The following FOXJ1 variants were observed in gnomAD, a reference collection of about 807,000 sequenced individuals.
The protein encoded by FOXJ1 is forkhead box J1.
In FOXJ1, 8 loss-of-function variants were observed where a neutral mutation model predicts 29.3. The observed-to-expected ratio is 0.27, with a 90% CI of 0.16 to 0.49. The LOEUF is 0.49. FOXJ1 is among the 20% of genes least tolerant of loss of function. FOXJ1 has a pLI of 0.98. For missense variants in FOXJ1, 539 were observed against 595.5 expected, an observed-to-expected ratio of 0.91 and a Z score of 0.99; for synonymous variants, 280 against 278.7, an observed-to-expected ratio of 1.00 and a Z score of -0.05.
chr17:76,137,246 C>T lies in FOXJ1; in HGVS notation c.*107G>A, dbSNP rs1461190649. 4 of 1,063,248 alleles carry T rather than the reference C, an allele frequency of 3.8e-6. No homozygotes were observed. The highest frequency in any genetic ancestry group is 3.3e-5 in the African/African-American group (2 of 61,260). The allele number at this position is 1,063,248 out of a possible 1,614,324, so 65.9% of individuals were successfully genotyped here. On this transcript the variant is annotated 3_prime_UTR_variant, in exon 3 of 3. Transcript: ENST00000322957. This position sits in a 1 kb window ranked among gnomAD's most constrained non-coding sequence, Gnocchi z 9.5. ...GGCCTCTGGGGCAAGCCTTGGAGCC[C>T]TGGCCCAGCCCCTGCCTAGGTGGTG...
Position 76,140,603 on chromosome 17 carries a change from C to G in FOXJ1, c.-169-39G>C, listed in dbSNP as rs372393372. The G allele has an allele frequency of 2.0e-6, 1 of 505,954 alleles. No homozygotes were observed. Among genetic ancestry groups the G allele is most frequent in the African/African-American group, 2.0e-5 (1 of 49,100 alleles). 31.3% of individuals were successfully genotyped at this position (505,954 alleles called of 1,614,324 possible). On this transcript the variant is annotated intron_variant, in intron 1 of 2. Coordinates refer to ENST00000322957, the MANE Select transcript of FOXJ1 (RefSeq NM_001454.4). The surrounding 1 kb of genome is among the most constrained non-coding windows in gnomAD (Gnocchi z 8.0). The stretch of plus-strand genomic sequence containing the variant: ...GGTGGGAGCTGAGCACTACCCCACC[C>G]CCGAGGGGACAGTGTGTGTACGGGG...
chr17:76,137,853 C>T lies in FOXJ1; in HGVS notation c.766G>A (p.Glu256Lys). 2.5e-6 allele frequency: 4 copies of T among 1,589,542 alleles called. No homozygotes were observed. Among genetic ancestry groups the T allele is most frequent in the Non-Finnish European group, 3.4e-6 (4 of 1,167,920 alleles). Residue 256 changes from glutamate to lysine, a missense_variant, in exon 3 of 3, where the codon GAG becomes AAG. Glu to Lys is a moderately conservative substitution (Grantham distance 56). Coordinates refer to ENST00000322957, the MANE Select transcript of FOXJ1 (RefSeq NM_001454.4). This position sits in a 1 kb window ranked among gnomAD's most constrained non-coding sequence, Gnocchi z 9.5. ...CCCCAGCCCGCCTCCCCGGTGGCCT[C>T]CTCGAACTCCCGCAGCAGCTGCTGG... ...EAQQLLREFE[E>K]ATGEAGWGAG...
Position 76,141,132 on chromosome 17 carries a change from C to T in FOXJ1, c.-188G>A, listed in dbSNP as rs2068516630. 1 of 152,318 alleles carries T rather than the reference C, an allele frequency of 6.6e-6. No individual in the cohort carries two copies. The highest frequency in any genetic ancestry group is 1.5e-5 in the Non-Finnish European group (1 of 68,140). 9.4% of individuals were successfully genotyped at this position (152,318 alleles called of 1,614,324 possible). A position where few individuals can be genotyped will look rare whatever the true frequency, so the allele number is the denominator to read the frequency against. On this transcript the variant is annotated 5_prime_UTR_variant, in exon 1 of 3. Coordinates refer to ENST00000322957, the MANE Select transcript of FOXJ1 (RefSeq NM_001454.4). This position sits in a 1 kb window ranked among gnomAD's most constrained non-coding sequence, Gnocchi z 4.2. ...CCCTTACCTGGCTCAGAGCGCAGCC[C>T]GGGCCAGAGGAAGGTTCTGGAAGAA... is the stretch of plus-strand genomic sequence containing the variant.
rs1286036482 is a variant in FOXJ1 at position 76,140,064 on chromosome 17, T to C, written c.332A>G (p.Asp111Gly). The C allele has an allele frequency of 6.2e-7, 1 of 1,608,058 alleles. No individual in the cohort carries two copies. Among genetic ancestry groups the C allele is most frequent in the Non-Finnish European group, 8.5e-7 (1 of 1,179,812 alleles). Residue 111 changes from aspartate to glycine, a missense_variant, in exon 2 of 3, where the codon GAC becomes GGC. Physicochemically the swap from Asp to Gly is moderately conservative, Grantham distance 94 (BLOSUM62 -1). Coordinates refer to ENST00000322957, the MANE Select transcript of FOXJ1 (RefSeq NM_001454.4). This position sits in a 1 kb window ranked among gnomAD's most constrained non-coding sequence, Gnocchi z 8.0. ...PPGLQAPPPD[D>G]VDYATNPHVK... ...GTGCGGATTGGTGGCGTAGTCCACGTCGTCGGGGGGTGGGGCCTGCAGCCC... is the reference window on the plus strand; with the variant it reads ...GTGCGGATTGGTGGCGTAGTCCACGCCGTCGGGGGGTGGGGCCTGCAGCCC...
At position 76,137,635 on chromosome 17, in the gene FOXJ1, C is replaced by T; in HGVS notation, c.984G>A (p.Glu328=). 1.2e-6 allele frequency: 2 copies of T among 1,601,000 alleles called. No individual in the cohort carries two copies. The highest frequency in any genetic ancestry group is 8.5e-7 in the Non-Finnish European group (1 of 1,174,334). ...TCAGAGGCGGGCTCAGCTCCAGGGC[C>T]TCCAGTGCACCCAGCTCCCCGCCCA... ...GTLGGELGAL[E]ALELSPPLSP... is the part of the protein sequence containing the mutation. Residue 328 remains glutamate, a synonymous_variant, in exon 3 of 3, where the codon GAG becomes GAA. Coordinates refer to ENST00000322957, the MANE Select transcript of FOXJ1 (RefSeq NM_001454.4). The surrounding 1 kb of genome is among the most constrained non-coding windows in gnomAD (Gnocchi z 9.5).
At position 76,141,059 on chromosome 17, in the gene FOXJ1, G is replaced by A. The variant is rs929182599; in HGVS notation, c.-170+55C>T. 2.0e-5 allele frequency: 3 copies of A among 152,444 alleles called. No homozygotes were observed. The highest frequency in any genetic ancestry group is 7.2e-5 in the African/African-American group (3 of 41,450). 9.4% of individuals were successfully genotyped at this position (152,444 alleles called of 1,614,324 possible). On this transcript the variant is annotated intron_variant, in intron 1 of 2. Transcript: ENST00000322957. This position sits in a 1 kb window ranked among gnomAD's most constrained non-coding sequence, Gnocchi z 4.2. Reference sequence around the variant, plus strand: ...TCCGTTAAGGACGAATGAGAGAGCGGGTTGGTACCGTTGCCCACCCTTCCC... The same window carrying A: ...TCCGTTAAGGACGAATGAGAGAGCGAGTTGGTACCGTTGCCCACCCTTCCC...
In FOXJ1 at chr17:76,138,095, A is replaced by T. The variant is rs1308928766; in HGVS notation, c.524T>A (p.Leu175Gln). Residue 175 changes from leucine (L) to glutamine (Q), a missense_variant, in exon 3 of 3, where the codon CTG becomes CAG. Leu to Gln is a moderately radical substitution (Grantham distance 113). Transcript: ENST00000322957. ...WQNSIRHNLS[L>Q]NKCFIKVPRE... Reference sequence around the variant, plus strand: ...AGGCACTTTGATGAAGCACTTGTTCAGAGACAGGTTGTGGCGGATTGAATT... The same window carrying T: ...AGGCACTTTGATGAAGCACTTGTTCTGAGACAGGTTGTGGCGGATTGAATT... 6.2e-7 allele frequency: 1 copy of T among 1,613,890 alleles called. No individual in the cohort carries two copies. Among genetic ancestry groups the T allele is most frequent in the Admixed American group, 1.7e-5 (1 of 60,022 alleles).
At position 76,140,078 on chromosome 17, in the gene FOXJ1, G is replaced by A. The variant is rs771180590; in HGVS notation, c.318C>T (p.Ala106=). The change falls in exon 2 of 3, where the codon GCC becomes GCT. Residue 106 remains alanine, a synonymous_variant. Coordinates refer to ENST00000322957, the MANE Select transcript of FOXJ1 (RefSeq NM_001454.4). The surrounding 1 kb of genome is among the most constrained non-coding windows in gnomAD (Gnocchi z 8.0). The stretch of plus-strand genomic sequence containing the variant: ...CGTAGTCCACGTCGTCGGGGGGTGG[G>A]GCCTGCAGCCCCGGGGGCGCGCTCC... ...TSRSAPPGLQ[A]PPPDDVDYAT... 1.0e-5 allele frequency: 16 copies of A among 1,605,918 alleles called. No individual in the cohort carries two copies. Among genetic ancestry groups the A allele is most frequent in the Non-Finnish European group, 1.4e-5 (16 of 1,179,702 alleles).
Position 76,137,236 on chromosome 17 carries a change from C to T in FOXJ1, c.*117G>A, listed in dbSNP as rs1398370519. 3 of 959,348 alleles carry T rather than the reference C, an allele frequency of 3.1e-6. No homozygotes were observed. The highest frequency in any genetic ancestry group is 4.3e-6 in the Non-Finnish European group (3 of 697,332). The allele number at this position is 959,348 out of a possible 1,614,324, so 59.4% of individuals were successfully genotyped here. ...GTGGCCATGTGGCCTCTGGGGCAAG[C>T]CTTGGAGCCCTGGCCCAGCCCCTGC... is the stretch of plus-strand genomic sequence containing the variant. On this transcript the variant is annotated 3_prime_UTR_variant, in exon 3 of 3. Coordinates refer to ENST00000322957, the MANE Select transcript of FOXJ1 (RefSeq NM_001454.4). The surrounding 1 kb of genome is among the most constrained non-coding windows in gnomAD (Gnocchi z 9.5).
Position 76,139,703 on chromosome 17 carries a change from TTCTC to T in FOXJ1, c.498+191_498+194del, listed in dbSNP as rs3217611. 2.7e-5 allele frequency among the ~76,000 whole-genome samples: 4 copies of T among 150,114 alleles called. No homozygotes were observed. The highest frequency in any genetic ancestry group is 7.3e-5 in the African/African-American group (3 of 41,080). On this transcript the variant is annotated intron_variant, in intron 2 of 2. Transcript: ENST00000322957. The surrounding 1 kb of genome is among the most constrained non-coding windows in gnomAD (Gnocchi z 6.6). ...GCCCTCCACCTCTGGACATTCTCCC[TTCTC>T]TCTCTCTCTCTCTCTGGAAGTCAAA...
chr17:76,138,204 G>A (rs572738550), intron 2 of FOXJ1, 84 bp from the exon 3 acceptor site: 25 of 1,422,450 alleles, frequency 1.8e-5, no homozygotes, highest in African/African-American at 4.3e-5. Flanking sequence ...GCGCTGCTGC[G>A]CACCCCCCAT....
At chr17:76,138,994 G>A (rs766254772) in intron 2 of FOXJ1, among the ~76,000 whole-genome samples, 2 of 152,194 alleles carry the variant, frequency 1.3e-5, no homozygotes, top group African/African-American at 2.4e-5. Flanking sequence ...TGCCTACCCA[G>A]CCTCAAATCC....
Position 76,137,155 on chromosome 17 carries a change from G to C in FOXJ1, c.*198C>G, listed in dbSNP as rs2068484541. On this transcript the variant is annotated 3_prime_UTR_variant, in exon 3 of 3. Transcript: ENST00000322957. This position sits in a 1 kb window ranked among gnomAD's most constrained non-coding sequence, Gnocchi z 9.5. ...CTGGGGAGAGGAGGCAGCGATTCTG[G>C]TCCTGGGCCCTCGTTTTCAGCCTCC... 4.1e-6 allele frequency: 2 copies of C among 489,688 alleles called. No individual in the cohort carries two copies. Among genetic ancestry groups the C allele is most frequent in the Non-Finnish European group, 7.1e-6 (2 of 282,904 alleles). 30.3% of individuals were successfully genotyped at this position (489,688 alleles called of 1,614,324 possible). A position where few individuals can be genotyped will look rare whatever the true frequency, so the allele number is the denominator to read the frequency against.
At chr17:76,138,311 G>A (rs1042888356) in intron 2 of FOXJ1, among the ~76,000 whole-genome samples, 191 bp from the exon 3 acceptor site, 9 of 152,222 alleles carry the variant, frequency 5.9e-5, no homozygotes, top group African/African-American at 1.9e-4. Flanking sequence ...CTGGGAGCCC[G>A]GAGTGCTGTC....
At position 76,137,560 on chromosome 17, in the gene FOXJ1, G is replaced by A; in HGVS notation, c.1059C>T (p.Ile353=). The change falls in exon 3 of 3, where the codon ATC becomes ATT. Residue 353 remains isoleucine (I), a synonymous_variant. Transcript: ENST00000322957. The surrounding 1 kb of genome is among the most constrained non-coding windows in gnomAD (Gnocchi z 9.5). The part of the protein sequence containing the change: ...DVDLTIHGRH[I]DCPATWGPSV... ...AAGGCCCCCAGGTGGCAGGGCAGTC[G>A]ATGTGGCGGCCGTGGATGGTGAGGT... The A allele has an allele frequency of 1.9e-6, 3 of 1,598,630 alleles. No homozygotes were observed. The highest frequency in any genetic ancestry group is 2.3e-5 in the East Asian group (1 of 44,282).
At chr17:76,138,204 G>T in intron 2 of FOXJ1, 84 bp from the exon 3 acceptor site, 1 of 1,422,454 alleles carries the variant, frequency 7.0e-7, no homozygotes, top group Non-Finnish European at 9.8e-7. Flanking sequence ...GCGCTGCTGC[G>T]CACCCCCCAT....
chr17:76,140,738 T>G lies in FOXJ1; in HGVS notation c.-169-174A>C. ...CACCCCCATCAGATCTGCCTCCCTCTTCCTTTCCTCTTCGAGGTTTTATTA... is the reference window on the plus strand; with the variant it reads ...CACCCCCATCAGATCTGCCTCCCTCGTCCTTTCCTCTTCGAGGTTTTATTA... On this transcript the variant is annotated intron_variant, in intron 1 of 2. Coordinates refer to ENST00000322957, the MANE Select transcript of FOXJ1 (RefSeq NM_001454.4). This position sits in a 1 kb window ranked among gnomAD's most constrained non-coding sequence, Gnocchi z 8.0. The G allele has an allele frequency of 3.9e-6, 1 of 258,258 alleles. No homozygotes were observed. 16.0% of individuals were successfully genotyped at this position (258,258 alleles called of 1,614,324 possible).
At position 76,139,668 on chromosome 17, in the gene FOXJ1, C is replaced by A. The variant is rs2068502498; in HGVS notation, c.498+230G>T. ...ATTTCCCCTTGAATCTCAGCCTCTGCACCCCTAAAGCCCTCCACCTCTGGA... is the reference window on the plus strand; with the variant it reads ...ATTTCCCCTTGAATCTCAGCCTCTGAACCCCTAAAGCCCTCCACCTCTGGA... On this transcript the variant is annotated intron_variant, in intron 2 of 2. Coordinates refer to ENST00000322957, the MANE Select transcript of FOXJ1 (RefSeq NM_001454.4). This position sits in a 1 kb window ranked among gnomAD's most constrained non-coding sequence, Gnocchi z 6.6. Among the ~76,000 whole-genome samples, 1 of 152,190 alleles carries A rather than the reference C, an allele frequency of 6.6e-6. No homozygotes were observed. The highest frequency in any genetic ancestry group is 2.1e-4 in the South Asian group (1 of 4,832).
Position 76,137,933 on chromosome 17 carries a change from G to A in FOXJ1, c.686C>T (p.Ala229Val), listed in dbSNP as rs772479816. 26 of 1,574,672 alleles carry A rather than the reference G, an allele frequency of 1.7e-5. No individual in the cohort carries two copies. The highest frequency in any genetic ancestry group is 2.2e-5 in the Non-Finnish European group (25 of 1,160,598). ...HIHPAFARQA[A>V]QEPSAVPRAG... Reference sequence around the variant, plus strand: ...CCGGGGGACAGCGCTGGGCTCCTGCGCGGCCTGGCGGGCAAAGGCTGGGTG... The same window carrying A: ...CCGGGGGACAGCGCTGGGCTCCTGCACGGCCTGGCGGGCAAAGGCTGGGTG... The change falls in exon 3 of 3, where the codon GCG (alanine) becomes GTG (valine). Residue 229 changes from alanine (A) to valine (V), a missense_variant. Coordinates refer to ENST00000322957, the MANE Select transcript of FOXJ1 (RefSeq NM_001454.4). The surrounding 1 kb of genome is among the most constrained non-coding windows in gnomAD (Gnocchi z 9.5).
Sources: allele counts gnomAD v4.1 joint callset (sites outside exome capture counted in the v4.1 genomes callset), GRCh38; gene constraint gnomAD v4.1.1; non-coding constraint Gnocchi (gnomAD v3.1); transcripts MANE v1.5; gene names NCBI Gene and HGNC (gene_info 2026-07-23, HGNC 2026-07-21).